The following OSMR variants were observed in gnomAD, a reference collection of about 807,000 sequenced individuals.
The protein encoded by OSMR is oncostatin M receptor, also known as oncostatin-M-specific receptor subunit beta.
Under a neutral mutation model 99.9 loss-of-function variants are expected in OSMR, and 81 were observed. That is an observed-to-expected ratio of 0.81 (90% confidence interval 0.68 to 0.97). The LOEUF is 0.97. Among genes scored for constraint, OSMR ranks in the 50% least tolerant of loss-of-function variants. The pLI is 0.00. For missense variants in OSMR, 1,099 were observed against 1,153.4 expected (o/e 0.95, Z 0.68); for synonymous variants, 406 against 410.4 (o/e 0.99, Z 0.13).
intron 1 of OSMR, among the ~76,000 whole-genome samples, chr5:38,866,429 A>G (rs1382315895): frequency 3.3e-5 from 5 of 152,010 alleles, no homozygotes; most frequent in African/African-American, 1.2e-4. Flanking sequence ...ACCCCAAGTA[A>G]TGGACTCTCA....
chr5:38,902,908 T>C (rs1202696229), intron 7 of OSMR, among the ~76,000 whole-genome samples: 1 of 152,120 alleles, frequency 6.6e-6, no homozygotes, highest in Admixed American at 6.6e-5. Context: ...CCACGCTTCT[T>C]TCCTCCGCCA....
chr5:38,881,501 G>T (rs2278324), intron 3 of OSMR, 92 bp from the exon 4 acceptor site: 276,209 of 1,609,510 alleles, frequency 0.17, 25,418 homozygotes, highest in Non-Finnish European at 0.19. Flanking sequence ...CTGCAATGGG[G>T]TCTTAGGTTT....
At chr5:38,917,684 G>A in intron 10 of OSMR, 62 bp downstream of exon 10, 1 of 1,348,862 alleles carries the variant, frequency 7.4e-7, no homozygotes, top group East Asian at 2.3e-5. Flanking sequence ...GGAAACAAAT[G>A]TGTCTTCCTC....
rs755695720 is a variant in OSMR at position 38,876,217 on chromosome 5, A to G, written c.90A>G (p.Leu30=). 1.9e-6 allele frequency: 3 copies of G among 1,613,302 alleles called. No individual in the cohort carries two copies. In the South Asian group the frequency reaches 3.3e-5, roughly 18 times the overall value. The change falls in exon 3 of 18, where the codon TTA becomes TTG. Residue 30 remains leucine, a synonymous_variant. Transcript: ENST00000274276. The stretch of plus-strand genomic sequence containing the variant: ...TCTTTTCAGTCTTGGCTGAACGTTT[A>G]CCATTGACTCCTGTATCACTTAAAG... ...TYQSEVLAER[L]PLTPVSLKVS... is the part of the protein sequence containing the mutation.
intron 9 of OSMR, among the ~76,000 whole-genome samples, chr5:38,914,726 G>T (rs1745800291): frequency 6.6e-6 from 1 of 152,166 alleles, no homozygotes; most frequent in Admixed American, 6.5e-5. Flanking sequence ...GCGAATTAAT[G>T]CAGGAACAGA....
rs568770019 is a variant in OSMR at position 38,872,775 on chromosome 5, A to T, written c.74-3426A>T. On this transcript the variant is annotated intron_variant, in intron 2 of 17. Transcript: ENST00000274276. ...TATTTTTACTTCCCTTTATTTGTTTAAAAAAAATGTCCTTTAAAAATCATA... is the reference window on the plus strand; with the variant it reads ...TATTTTTACTTCCCTTTATTTGTTTTAAAAAAATGTCCTTTAAAAATCATA... Among the ~76,000 whole-genome samples, 60 of 151,714 alleles carry T rather than the reference A, an allele frequency of 4.0e-4. 1 individual carries two copies. The highest frequency in any genetic ancestry group is 1.5e-3 in the African/African-American group (60 of 41,326).
chr5:38,918,724 A>G, intron 10 of OSMR, 116 bp from the exon 11 acceptor site: 1 of 1,522,892 alleles, frequency 6.6e-7, no homozygotes. Context: ...AGCTGTTTGA[A>G]TTTTCTGGTG....
At position 38,925,349 on chromosome 5, in the gene OSMR, G is replaced by A. The variant is rs929205357; in HGVS notation, c.2190G>A (p.Lys730=). The change falls in exon 15 of 18, where the codon AAG becomes AAA. Residue 730 remains lysine, a synonymous_variant. Coordinates refer to ENST00000274276, the MANE Select transcript of OSMR (RefSeq NM_003999.3). ...AAGGCCCCAGTGCTACGTTCACGAA[G>A]GTCACGACTCCGGATGAACACTGTG... ...AGEGPSATFT[K]VTTPDEHSSM... The A allele has an allele frequency of 6.2e-7, 1 of 1,614,010 alleles. No individual in the cohort carries two copies. The highest frequency in any genetic ancestry group is 8.5e-7 in the Non-Finnish European group (1 of 1,179,924).
chr5:38,890,513 C>A (rs1423059592), intron 7 of OSMR, among the ~76,000 whole-genome samples: 1 of 151,942 alleles, frequency 6.6e-6, no homozygotes, highest in East Asian at 1.9e-4. Flanking sequence ...CAAGGCAAAC[C>A]TAATTTTACA....
chr5:38,868,474 C>T (rs184655261), intron 1 of OSMR, among the ~76,000 whole-genome samples: 400 of 152,220 alleles, frequency 2.6e-3, no homozygotes, highest in Non-Finnish European at 3.8e-3. Context: ...TCATCAGGGC[C>T]GGTCTTTTCT....
chr5:38,936,930 G>A (rs1017709226), downstream of OSMR, among the ~76,000 whole-genome samples: 8 of 152,188 alleles, frequency 5.3e-5, no homozygotes, highest in Non-Finnish European at 8.8e-5. Context: ...TATTTTATAT[G>A]CTAAAGTTTT....
In OSMR at chr5:38,934,991, ACACCCAGGTAATTT is replaced by A. The variant is rs1217325498; in HGVS notation, c.*1548_*1561del. On this transcript the variant is annotated 3_prime_UTR_variant, in exon 18 of 18. Transcript: ENST00000274276. Reference sequence around the variant, plus strand: ...GCTGGGATTACAGGCATGCACCACCACACCCAGGTAATTTTGTATCTTTAGTAGAGATGGGGTTT... The same window carrying A: ...GCTGGGATTACAGGCATGCACCACCATGTATCTTTAGTAGAGATGGGGTTT... The A allele has an allele frequency of 6.6e-6, 1 of 151,298 alleles. No homozygotes were observed. The highest frequency in any genetic ancestry group is 6.6e-5 in the Admixed American group (1 of 15,174). The allele number at this position is 151,298 out of a possible 1,614,324, so 9.4% of individuals were successfully genotyped here.
chr5:38,878,595 A>C (rs1579685871), intron 3 of OSMR, among the ~76,000 whole-genome samples: 1 of 152,316 alleles, frequency 6.6e-6, no homozygotes, highest in East Asian at 1.9e-4. Context: ...GAAGGAGGCC[A>C]GGTGTGGGAG....
chr5:38,927,497 G>A (rs1411981291), intron 15 of OSMR, among the ~76,000 whole-genome samples: 1 of 152,240 alleles, frequency 6.6e-6, no homozygotes, highest in Non-Finnish European at 1.5e-5. Context: ...AAGGCTTGGG[G>A]CTTGCACCCT....
At chr5:38,930,846 C>A (rs1746695262) in intron 15 of OSMR, among the ~76,000 whole-genome samples, 1 of 151,476 alleles carries the variant, frequency 6.6e-6, no homozygotes, top group African/African-American at 2.4e-5. Flanking sequence ...AATAATTATT[C>A]TTGACTACAA....
At chr5:38,939,359 T>C (rs959981264), downstream of OSMR, 3 of 232,406 alleles carry the variant, frequency 1.3e-5, no homozygotes, top group African/African-American at 4.4e-5. Context: ...ATAATGTATA[T>C]ACTTCCAAAG....
chr5:38,943,523 C>T (rs1747830530), intron 1 of OSMR, among the ~76,000 whole-genome samples: 1 of 152,000 alleles, frequency 6.6e-6, no homozygotes, highest in African/African-American at 2.4e-5. Flanking sequence ...AAAAAAAAGC[C>T]CTACAGCTGG....
At chr5:38,945,140 A>T, downstream of OSMR, 15 of 1,040,150 alleles carry the variant, frequency 1.4e-5, no homozygotes, top group South Asian at 2.0e-4. Flanking sequence ...TTGCATGCTA[A>T]AAAGAAATAA....
chr5:38,940,143 C>CAAAAAAAAAAAAAAAA (rs68031684), downstream of OSMR: 2 of 178,680 alleles, frequency 1.1e-5, no homozygotes, highest in African/African-American at 5.3e-5. Flanking sequence ...AAAAAAAAAA[C>CAAAAAAAAAAAAAAAA]AAAAAAAAAA....
Sources: allele counts gnomAD v4.1 joint callset (sites outside exome capture counted in the v4.1 genomes callset), GRCh38; gene constraint gnomAD v4.1.1; transcripts MANE v1.5; gene names NCBI Gene and HGNC (gene_info 2026-07-23, HGNC 2026-07-21).